PUS7: variants seen among roughly 807,000 people sequenced by gnomAD.
The protein encoded by PUS7 is pseudouridine synthase 7.
Under a neutral mutation model 79.8 loss-of-function variants are expected in PUS7, and 48 were observed. That is an observed-to-expected ratio of 0.60 (90% confidence interval 0.48 to 0.76). The LOEUF (loss-of-function observed/expected upper bound fraction) is 0.76. PUS7 is among the 30% of genes least tolerant of loss of function. PUS7 has a pLI of 0.00. For missense variants in PUS7, 729 were observed against 797.6 expected (o/e 0.91, Z 1.04); for synonymous variants, 286 against 272.2 (o/e 1.05, Z -0.50).
At chr7:105,460,301 T>A (rs1167624187) in intron 14 of PUS7, among the ~76,000 whole-genome samples, 1 of 152,074 alleles carries the variant, frequency 6.6e-6, no homozygotes, top group Non-Finnish European at 1.5e-5. Context: ...GTGATCAAAT[T>A]ACTTACGGCA....
chr7:105,496,222 TATATAG>T (rs1393250900), intron 5 of PUS7, among the ~76,000 whole-genome samples: 11 of 85,050 alleles, frequency 1.3e-4, no homozygotes, highest in East Asian at 1.1e-3. Context: ...TATATATATA[TATATAG>T]AGAGAGAGAG....
chr7:105,513,865 G>C (rs1248140677), intron 1 of PUS7, among the ~76,000 whole-genome samples: 4 of 142,410 alleles, frequency 2.8e-5, no homozygotes, highest in African/African-American at 5.1e-5. Context: ...AGTTATTATG[G>C]ATGATTTACA....
chr7:105,481,306 C>G (rs1824310794), intron 8 of PUS7, 129 bp from the exon 9 acceptor site: 2 of 596,152 alleles, frequency 3.4e-6, no homozygotes, highest in African/African-American at 1.9e-5. Flanking sequence ...CTCTACCTCC[C>G]AAGGGCTCTT....
intron 9 of PUS7, among the ~76,000 whole-genome samples, chr7:105,473,373 C>T (rs1235718872): frequency 6.6e-6 from 1 of 151,768 alleles, no homozygotes; most frequent in East Asian, 1.9e-4. Flanking sequence ...CATCATCCTC[C>T]TGCACAGCTG....
chr7:105,460,606 G>A (rs1823381148), intron 14 of PUS7, among the ~76,000 whole-genome samples: 1 of 151,950 alleles, frequency 6.6e-6, no homozygotes, highest in African/African-American at 2.4e-5. Flanking sequence ...TGTAATCCCA[G>A]CACTTTGGGA....
At chr7:105,514,238 AAAAAAAAT>A (rs1445193457) in intron 1 of PUS7, among the ~76,000 whole-genome samples, 1 of 136,766 alleles carries the variant, frequency 7.3e-6, no homozygotes, top group Non-Finnish European at 1.6e-5. Context: ...CTCAAAAAAA[AAAAAAAAT>A]AGTTATTATG....
chr7:105,505,003 A>ATTTTTTTTTTTTTTTTTTTTTTTTT (rs112752687), intron 4 of PUS7, among the ~76,000 whole-genome samples: 25 of 142,664 alleles, frequency 1.8e-4, no homozygotes, highest in South Asian at 4.6e-4. Context: ...ATTTAACATA[A>ATTTTTTTTTTTTTTTTTTTTTTTTT]TTTTTTTTTT....
chr7:105,480,028 A>C (rs1313103895), intron 9 of PUS7, among the ~76,000 whole-genome samples: 1 of 152,164 alleles, frequency 6.6e-6, no homozygotes, highest in Non-Finnish European at 1.5e-5. Flanking sequence ...AATAAAATTA[A>C]GAGCGAGGGA....
intron 6 of PUS7, among the ~76,000 whole-genome samples, chr7:105,493,901 G>A (rs1188903106): frequency 6.6e-6 from 1 of 152,180 alleles, no homozygotes; most frequent in African/African-American, 2.4e-5. Flanking sequence ...ATTTTGTTAT[G>A]GAAGTCCTAG....
At chr7:105,469,536 T>C (rs1183514818) in intron 11 of PUS7, among the ~76,000 whole-genome samples, 1 of 152,182 alleles carries the variant, frequency 6.6e-6, no homozygotes, top group South Asian at 2.1e-4. Context: ...CCCGGCTGAA[T>C]GCAACCTCTG....
intron 5 of PUS7, among the ~76,000 whole-genome samples, chr7:105,496,801 C>A (rs1825054551): frequency 6.6e-6 from 1 of 152,004 alleles, no homozygotes; most frequent in Non-Finnish European, 1.5e-5. Context: ...GTGTGAATTC[C>A]TCACAAGTTC....
intron 1 of PUS7, among the ~76,000 whole-genome samples, chr7:105,512,795 G>A (rs4613913): frequency 0.4 from 60,845 of 152,048 alleles, 12,722 homozygotes; most frequent in East Asian, 0.7. Context: ...TAGGCTGGAA[G>A]ACCAGGTAAG....
intron 7 of PUS7, among the ~76,000 whole-genome samples, chr7:105,485,647 T>C (rs1824514257): frequency 6.6e-6 from 1 of 152,258 alleles, no homozygotes; most frequent in Non-Finnish European, 1.5e-5. Flanking sequence ...CCAACATTTT[T>C]TGAATCAACC....
chr7:105,517,480 G>A (rs1458068747), intron 1 of PUS7, among the ~76,000 whole-genome samples: 1 of 152,136 alleles, frequency 6.6e-6, no homozygotes, highest in African/African-American at 2.4e-5. Context: ...CATTTCTTTG[G>A]AGGGAATGCT....
intron 1 of PUS7, among the ~76,000 whole-genome samples, chr7:105,515,952 G>T (rs986917054): frequency 6.6e-6 from 1 of 152,052 alleles, no homozygotes; most frequent in Non-Finnish European, 1.5e-5. Flanking sequence ...TGGGATTACA[G>T]GCGCGTGCCA....
intron 1 of PUS7, among the ~76,000 whole-genome samples, chr7:105,509,555 C>T (rs546219827): frequency 6.6e-6 from 1 of 152,274 alleles, no homozygotes; most frequent in Admixed American, 6.5e-5. Flanking sequence ...ACTGCAAACT[C>T]CAACTCCTGG....
chr7:105,465,102 C>T (rs1036154759), intron 13 of PUS7, among the ~76,000 whole-genome samples: 12 of 152,142 alleles, frequency 7.9e-5, no homozygotes, highest in African/African-American at 2.7e-4. Context: ...TGATTATAGG[C>T]GTGAGCCACC....
chr7:105,503,781 T>G (rs1825348038), intron 4 of PUS7, among the ~76,000 whole-genome samples: 1 of 152,050 alleles, frequency 6.6e-6, no homozygotes, highest in Non-Finnish European at 1.5e-5. Context: ...TACAGGCATG[T>G]GCCTCCATGC....
At chr7:105,477,913 C>T (rs557140313) in intron 9 of PUS7, among the ~76,000 whole-genome samples, 1 of 152,290 alleles carries the variant, frequency 6.6e-6, no homozygotes, top group African/African-American at 2.4e-5. Context: ...AGTGATCCTC[C>T]TGCCTCAGCC....
Sources: gnomAD v4.1 joint callset for allele counts (sites outside exome capture counted in the v4.1 genomes callset) on GRCh38, gnomAD v4.1.1 for gene constraint, MANE v1.5 for transcripts, NCBI Gene and HGNC (gene_info 2026-07-23, HGNC 2026-07-21) for gene names.